The following KIAA1217 variants were observed in gnomAD, a reference collection of about 807,000 sequenced individuals.
The protein encoded by KIAA1217 is sickle tail protein homolog.
In KIAA1217, 88 loss-of-function variants were observed where a neutral mutation model predicts 163.9. The observed-to-expected ratio is 0.54, with a 90% confidence interval of 0.45 to 0.64. The LOEUF (loss-of-function observed/expected upper bound fraction) is 0.64, where lower values mean the gene tolerates loss of function less well. Among genes scored for constraint, KIAA1217 ranks in the 30% least tolerant of loss-of-function variants. The pLI, the probability that KIAA1217 is intolerant of heterozygous loss-of-function variation, is 0.00. For synonymous variants in KIAA1217, 903 were observed against 923.1 expected (o/e 0.98, Z 0.39); for missense variants, 2,372 against 2,475.0 (o/e 0.96, Z 0.88).
intron 1 of KIAA1217, among the ~76,000 whole-genome samples, chr10:23,840,453 C>A (rs926317446): frequency 9.2e-5 from 14 of 152,054 alleles, no homozygotes; most frequent in African/African-American, 2.7e-4. Context: ...CTGTGCCTGG[C>A]CGATTATATC....
At chr10:24,167,646 T>C (rs529829387) in intron 2 of KIAA1217, among the ~76,000 whole-genome samples, 10 of 152,300 alleles carry the variant, frequency 6.6e-5, no homozygotes, top group African/African-American at 2.4e-4. Flanking sequence ...TCCATTATTA[T>C]GTTTATATTC....
chr10:24,270,920 T>G (rs2076714495), intron 2 of KIAA1217, among the ~76,000 whole-genome samples: 1 of 152,140 alleles, frequency 6.6e-6, no homozygotes, highest in South Asian at 2.1e-4. Context: ...ACAGCAATAT[T>G]TTTTTGATCT....
intron 5 of KIAA1217, among the ~76,000 whole-genome samples, chr10:24,454,302 T>A (rs769504033): frequency 6.6e-5 from 10 of 152,252 alleles, no homozygotes; most frequent in Non-Finnish European, 1.2e-4. Flanking sequence ...CAGGCAGCAC[T>A]AACTCACTCC....
chr10:24,541,731 G>A (rs2075120700), intron 17 of KIAA1217, among the ~76,000 whole-genome samples: 1 of 152,168 alleles, frequency 6.6e-6, no homozygotes, highest in African/African-American at 2.4e-5. Flanking sequence ...TTGAATACCT[G>A]GGTCCTCACC....
At chr10:23,918,526 G>A (rs921280881) in intron 1 of KIAA1217, among the ~76,000 whole-genome samples, 3 of 152,066 alleles carry the variant, frequency 2.0e-5, no homozygotes, top group African/African-American at 7.2e-5. Context: ...GACCCCTTGG[G>A]AATGTCACCA....
chr10:23,892,795 C>T (rs1024839595), intron 1 of KIAA1217, among the ~76,000 whole-genome samples: 1 of 151,826 alleles, frequency 6.6e-6, no homozygotes, highest in Non-Finnish European at 1.5e-5. Context: ...TTTGATAGAA[C>T]TGGAACAAAA....
chr10:24,174,149 G>A (rs1364817563), intron 2 of KIAA1217, among the ~76,000 whole-genome samples: 2 of 152,196 alleles, frequency 1.3e-5, no homozygotes, highest in African/African-American at 4.8e-5. Flanking sequence ...ATGGAGACAA[G>A]CTTTTCTGGA....
chr10:24,411,162 T>C lies in KIAA1217; in HGVS notation c.554-21833T>C, dbSNP rs79714939. Among the ~76,000 whole-genome samples, 130 of 152,346 alleles carry C rather than the reference T, an allele frequency of 8.5e-4. 3 individuals are homozygous for C. The East Asian group carries it at 0.021, about 25-fold the overall frequency. On this transcript the variant is annotated intron_variant, in intron 3 of 20. Coordinates refer to ENST00000376454, the MANE Select transcript of KIAA1217 (RefSeq NM_019590.5). ...TCATTTTAATTAATAAATTTGGTCC[T>C]GACATGCAATTGCTCTTCACTTGAT...
chr10:23,831,175 CAA>C (rs1838174387), intron 1 of KIAA1217, among the ~76,000 whole-genome samples: 4 of 151,718 alleles, frequency 2.6e-5, no homozygotes, highest in African/African-American at 7.3e-5. Flanking sequence ...TTAAAGAGTT[CAA>C]ACAGGGGAAA....
At chr10:24,478,723 TAAA>T (rs986241919) in intron 6 of KIAA1217, among the ~76,000 whole-genome samples, 2 of 152,216 alleles carry the variant, frequency 1.3e-5, no homozygotes, top group Admixed American at 1.3e-4. Context: ...CTCTAGGTTG[TAAA>T]ATTACTTCAT....
At chr10:23,941,733 C>T (rs952369658) in intron 1 of KIAA1217, among the ~76,000 whole-genome samples, 10 of 152,230 alleles carry the variant, frequency 6.6e-5, no homozygotes, top group Admixed American at 6.5e-4. Context: ...TTAAAAAGCT[C>T]AGTAGTTCAA....
chr10:24,265,714 C>G (rs1446297772), intron 2 of KIAA1217, among the ~76,000 whole-genome samples: 1 of 152,090 alleles, frequency 6.6e-6, no homozygotes, highest in Non-Finnish European at 1.5e-5. Flanking sequence ...GGGCATTATG[C>G]TAGATGATAG....
At chr10:24,444,521 T>C (rs2060763966) in intron 5 of KIAA1217, among the ~76,000 whole-genome samples, 1 of 152,192 alleles carries the variant, frequency 6.6e-6, no homozygotes, top group Non-Finnish European at 1.5e-5. Flanking sequence ...CAAGCCATAT[T>C]ATGTGATGAT....
intron 1 of KIAA1217, among the ~76,000 whole-genome samples, chr10:23,760,535 A>G (rs1428405476): frequency 1.3e-5 from 2 of 152,232 alleles, no homozygotes; most frequent in South Asian, 2.1e-4. Flanking sequence ...GCAGTAGCAC[A>G]TCTGTTTCAG....
intron 2 of KIAA1217, among the ~76,000 whole-genome samples, chr10:24,066,377 T>G (rs147210142): frequency 1.5e-3 from 234 of 152,266 alleles, no homozygotes; most frequent in African/African-American, 5.4e-3. Flanking sequence ...GTCTGTAAAG[T>G]ATTTTATATC....
chr10:24,114,564 AATACAGTGCTGAC>A (rs1197609695), intron 2 of KIAA1217, among the ~76,000 whole-genome samples: 1 of 152,198 alleles, frequency 6.6e-6, no homozygotes. Context: ...AGAAGATCAG[AATACAGTGCTGAC>A]CCAGGAAGAC....
Position 24,444,561 on chromosome 10 carries a change from A to C in KIAA1217, c.846+6082A>C, listed in dbSNP as rs76558827. Among the ~76,000 whole-genome samples, 5 of 152,310 alleles carry C rather than the reference A, an allele frequency of 3.3e-5. No individual in the cohort carries two copies. The East Asian group carries it at 9.7e-4, about 29-fold the overall frequency. On this transcript the variant is annotated intron_variant, in intron 5 of 20. Coordinates refer to ENST00000376454, the MANE Select transcript of KIAA1217 (RefSeq NM_019590.5). ...CTTCACGTCCCTCCAAAAACCAGTC[A>C]TGGCATCTTAACCCCTGGTGAGTGC... is the stretch of plus-strand genomic sequence containing the variant.
chr10:24,317,310 G>T (rs2043524424), intron 2 of KIAA1217, among the ~76,000 whole-genome samples: 1 of 151,560 alleles, frequency 6.6e-6, no homozygotes, highest in Non-Finnish European at 1.5e-5. Flanking sequence ...TTTCAGCCAG[G>T]GTCCTGCTAT....
At chr10:23,893,913 G>C (rs889334315) in intron 1 of KIAA1217, among the ~76,000 whole-genome samples, 3 of 151,954 alleles carry the variant, frequency 2.0e-5, no homozygotes, top group African/African-American at 4.8e-5. Flanking sequence ...AATAGATGCA[G>C]AAAAGGCCTT....
Sources: gnomAD v4.1 joint callset for allele counts (sites outside exome capture counted in the v4.1 genomes callset) on GRCh38, gnomAD v4.1.1 for gene constraint, MANE v1.5 for transcripts, NCBI Gene and HGNC (gene_info 2026-07-23, HGNC 2026-07-21) for gene names.